GRID2: variants seen among roughly 807,000 people sequenced by gnomAD.
GRID2 encodes glutamate ionotropic receptor delta type subunit 2.
Under a neutral mutation model 114.8 loss-of-function variants are expected in GRID2, and 33 were observed. The observed-to-expected ratio is 0.29, with a 90% CI of 0.22 to 0.38. The LOEUF (loss-of-function observed/expected upper bound fraction) is 0.38. Ranked by LOEUF, GRID2 falls within the 10% of genes least tolerant of loss-of-function variation. The pLI is 1.00. For synonymous variants in GRID2, 505 were observed against 449.9 expected (o/e 1.12, Z -1.55); for missense variants, 1,184 against 1,257.7 (o/e 0.94, Z 0.89).
At chr4:92,704,742 T>C (rs1012062247) in intron 2 of GRID2, among the ~76,000 whole-genome samples, 39 of 150,268 alleles carry the variant, frequency 2.6e-4, no homozygotes, top group Non-Finnish European at 4.6e-4. Context: ...TCTCTCTCTC[T>C]CTCCCTCCCT....
At chr4:93,089,980 TG>T (rs1363821066) in intron 3 of GRID2, among the ~76,000 whole-genome samples, 1 of 152,110 alleles carries the variant, frequency 6.6e-6, no homozygotes, top group Non-Finnish European at 1.5e-5. Flanking sequence ...GGGGAATCCA[TG>T]TGTCTTGTTC....
intron 1 of GRID2, among the ~76,000 whole-genome samples, chr4:92,467,315 GTAT>G (rs1486838790): frequency 6.6e-6 from 1 of 151,850 alleles, no homozygotes; most frequent in Non-Finnish European, 1.5e-5. Flanking sequence ...TATATATTAT[GTAT>G]TATTACAAAA....
At chr4:93,415,234 C>G (rs934550406) in intron 9 of GRID2, among the ~76,000 whole-genome samples, 1 of 151,994 alleles carries the variant, frequency 6.6e-6, no homozygotes, top group Non-Finnish European at 1.5e-5. Context: ...TGTTATATCT[C>G]GAATGTATTT....
Position 92,440,191 on chromosome 4 carries a change from C to T in GRID2, c.88+135447C>T, listed in dbSNP as rs1162087117. On this transcript the variant is annotated intron_variant, in intron 1 of 15. Coordinates refer to ENST00000282020, the MANE Select transcript of GRID2 (RefSeq NM_001510.4). ...GTGTGTTTTTAAAAGACCTTTAGTC[C>T]GTTCTACTTTTCTTGAAGACGGAGG... is the stretch of plus-strand genomic sequence containing the variant. Among the ~76,000 whole-genome samples the T allele has an allele frequency of 2.7e-5, 4 of 145,834 alleles. 1 individual carries two copies. Among genetic ancestry groups the T allele is most frequent in the Non-Finnish European group, 4.6e-5 (3 of 64,518 alleles).
At chr4:92,673,764 A>C (rs747976361) in intron 2 of GRID2, among the ~76,000 whole-genome samples, 1 of 152,034 alleles carries the variant, frequency 6.6e-6, no homozygotes, top group Non-Finnish European at 1.5e-5. Flanking sequence ...AAGTTTGGGA[A>C]TTGAACAATG....
intron 2 of GRID2, among the ~76,000 whole-genome samples, chr4:92,966,736 G>A (rs1248048817): frequency 6.6e-6 from 1 of 151,806 alleles, no homozygotes; most frequent in Non-Finnish European, 1.5e-5. Context: ...CAGACATGTG[G>A]AACTGAGTCA....
rs1433300842 is a variant in GRID2 at position 93,470,129 on chromosome 4, A to T, written c.1858+14155A>T. ...GAATAATTCATTAAAAAGGATAAGC[A>T]TATAAAAGCCTACTTTAGTAACACA... On this transcript the variant is annotated intron_variant, in intron 11 of 15. Transcript: ENST00000282020. 2.0e-5 allele frequency among the ~76,000 whole-genome samples: 3 copies of T among 152,124 alleles called. No homozygotes were observed. In the South Asian group the frequency reaches 6.2e-4, roughly 31 times the overall value.
At chr4:93,021,844 A>C (rs914857304) in intron 2 of GRID2, among the ~76,000 whole-genome samples, 1 of 147,136 alleles carries the variant, frequency 6.8e-6, no homozygotes, top group Non-Finnish European at 1.5e-5. Context: ...ATTATTTTTA[A>C]ATAATAAATA....
chr4:93,023,569 A>G (rs1336006388), intron 2 of GRID2, among the ~76,000 whole-genome samples: 1 of 151,966 alleles, frequency 6.6e-6, no homozygotes, highest in Non-Finnish European at 1.5e-5. Flanking sequence ...AATTTTTAAA[A>G]GAGAAATAAG....
intron 8 of GRID2, among the ~76,000 whole-genome samples, chr4:93,385,609 G>T (rs898951885): frequency 2.0e-5 from 3 of 151,940 alleles, no homozygotes; most frequent in Admixed American, 2.0e-4. Context: ...AGTCTAGTAG[G>T]GGACATAAGT....
intron 2 of GRID2, among the ~76,000 whole-genome samples, chr4:93,059,239 G>T (rs1484633422): frequency 1.3e-5 from 2 of 152,076 alleles, no homozygotes; most frequent in Non-Finnish European, 2.9e-5. Context: ...TTCCAATCTG[G>T]AAGAGAAAAA....
chr4:93,293,289 A>C (rs1280739926), intron 8 of GRID2, among the ~76,000 whole-genome samples: 1 of 152,306 alleles, frequency 6.6e-6, no homozygotes, highest in Non-Finnish European at 1.5e-5. Flanking sequence ...CTGGACAGCT[A>C]TCTACATCCG....
rs59691642 is a variant in GRID2, at chr4:93,419,100, G to A, written c.1348-3671G>A. 5.3e-3 allele frequency among the ~76,000 whole-genome samples: 455 copies of A among 86,222 alleles called. 1 individual carries two copies. The highest frequency in any genetic ancestry group is 0.025 in the African/African-American group (419 of 17,036). 56.6% of individuals were successfully genotyped at this position (86,222 alleles called of 152,430 possible). A position where few individuals can be genotyped will look rare whatever the true frequency, so the allele number is the denominator to read the frequency against. ...TTTTTTTTTTTTTTTTTTTTTTACA[G>A]TTTCTACTGTATTTCTTTGTTGTCC... is the stretch of plus-strand genomic sequence containing the variant. On this transcript the variant is annotated intron_variant, in intron 9 of 15. Transcript: ENST00000282020.
At chr4:93,512,636 T>C (rs1729308644) in intron 12 of GRID2, among the ~76,000 whole-genome samples, 1 of 152,182 alleles carries the variant, frequency 6.6e-6, no homozygotes, top group Non-Finnish European at 1.5e-5. Flanking sequence ...AGAGGGAACA[T>C]GCCTTTGTTC....
At chr4:93,494,335 G>A (rs1373049212) in intron 12 of GRID2, among the ~76,000 whole-genome samples, 1 of 151,728 alleles carries the variant, frequency 6.6e-6, no homozygotes, top group Non-Finnish European at 1.5e-5. Flanking sequence ...ACTACAATGG[G>A]CAGAGGTGGT....
intron 1 of GRID2, among the ~76,000 whole-genome samples, chr4:93,794,329 C>T (rs187873029): frequency 6.6e-6 from 1 of 152,182 alleles, no homozygotes; most frequent in East Asian, 1.9e-4. Flanking sequence ...AAAGATTAAT[C>T]CAAGCGTTAC....
chr4:93,345,673 G>A (rs1271896615), intron 8 of GRID2, among the ~76,000 whole-genome samples: 4 of 151,808 alleles, frequency 2.6e-5, no homozygotes, highest in Non-Finnish European at 4.4e-5. Context: ...TTTTGTTGCC[G>A]TTACCTGTGC....
At chr4:92,393,035 C>A (rs1419421367) in intron 1 of GRID2, among the ~76,000 whole-genome samples, 1 of 152,074 alleles carries the variant, frequency 6.6e-6, no homozygotes, top group Non-Finnish European at 1.5e-5. Flanking sequence ...TCTGGAGAGC[C>A]CTCAGGGAGC....
intron 2 of GRID2, among the ~76,000 whole-genome samples, chr4:92,988,288 T>C (rs34457771): frequency 0.026 from 3,885 of 152,180 alleles, 55 homozygotes; most frequent in Non-Finnish European, 0.038. Context: ...TAGGCAGGGT[T>C]TTGCTCTTCA....
Sources: gnomAD v4.1 joint callset for allele counts (sites outside exome capture counted in the v4.1 genomes callset) on GRCh38, gnomAD v4.1.1 for gene constraint, MANE v1.5 for transcripts, NCBI Gene and HGNC (gene_info 2026-07-23, HGNC 2026-07-21) for gene names.